Variants in ROBO1 observed in about 807,000 individuals in gnomAD.
ROBO1 encodes the protein roundabout homolog 1.
A neutral mutation model predicts 195.9 loss-of-function variants in ROBO1; 149 were observed. The ratio of observed to expected loss-of-function variants is 0.76; its 90% CI spans 0.67 to 0.87. ROBO1 has a LOEUF of 0.87. ROBO1 is among the 40% of genes least tolerant of loss of function. ROBO1 has a pLI of 0.00. For missense variants in ROBO1, 1,933 were observed against 2,068.3 expected (o/e 0.93, Z 1.27); for synonymous variants, 816 against 733.2 (o/e 1.11, Z -1.82).
chr3:79,444,715 T>A lies in ROBO1; in HGVS notation c.88+145109A>T, dbSNP rs138268272. ...TTTTTAAATAATGGCGAATCAAATG[T>A]ACATGAATAGTAAGATGGACACATA... On this transcript the variant is annotated intron_variant, in intron 2 of 30. Transcript: ENST00000464233. 3.3e-5 allele frequency among the ~76,000 whole-genome samples: 5 copies of A among 152,198 alleles called. No individual in the cohort carries two copies. In the East Asian group the frequency reaches 9.7e-4, roughly 29 times the overall value.
At chr3:79,216,405 T>G (rs1319743560) in intron 2 of ROBO1, among the ~76,000 whole-genome samples, 1 of 152,110 alleles carries the variant, frequency 6.6e-6, no homozygotes, top group East Asian at 1.9e-4. Flanking sequence ...TTCTTGGATT[T>G]TCATAAAAAA....
intron 26 of ROBO1, among the ~76,000 whole-genome samples, chr3:78,625,875 A>C (rs1704736743): frequency 6.6e-6 from 1 of 152,152 alleles, no homozygotes; most frequent in South Asian, 2.1e-4. Context: ...AAAATGAAGC[A>C]GCGGGAGAGA....
At chr3:78,875,135 A>T (rs1020253014) in intron 4 of ROBO1, among the ~76,000 whole-genome samples, 28 of 152,090 alleles carry the variant, frequency 1.8e-4, no homozygotes, top group African/African-American at 6.5e-4. Context: ...TTTTTATTTT[A>T]AAGTTCTGAA....
At chr3:78,915,454 A>C (rs2038501585) in intron 4 of ROBO1, among the ~76,000 whole-genome samples, 1 of 152,226 alleles carries the variant, frequency 6.6e-6, no homozygotes, top group African/African-American at 2.4e-5. Flanking sequence ...CATAATAAAT[A>C]GAGCAGATTA....
chr3:79,748,001 G>T (rs1703948267), intron 1 of ROBO1, among the ~76,000 whole-genome samples: 3 of 150,958 alleles, frequency 2.0e-5, no homozygotes, highest in Admixed American at 6.6e-5. Flanking sequence ...TTTTTACTTG[G>T]ATTTCTATTT....
chr3:79,173,481 C>T (rs1043357191), intron 2 of ROBO1, among the ~76,000 whole-genome samples: 78 of 152,116 alleles, frequency 5.1e-4, no homozygotes, highest in Non-Finnish European at 5.0e-4. Context: ...AGCACCCAGG[C>T]CAGTGGCTGC....
intron 1 of ROBO1, among the ~76,000 whole-genome samples, chr3:79,734,497 T>C (rs974895500): frequency 6.6e-6 from 1 of 152,224 alleles, no homozygotes; most frequent in African/African-American, 2.4e-5. Flanking sequence ...TTGCAAAAAA[T>C]TGCCTTTGGC....
At chr3:79,725,319 C>T (rs1184737803) in intron 1 of ROBO1, among the ~76,000 whole-genome samples, 24 of 150,306 alleles carry the variant, frequency 1.6e-4, no homozygotes, top group Admixed American at 1.1e-3. Flanking sequence ...CTCCGCCTCC[C>T]GGGTTCACGC....
At chr3:78,670,865 G>A (rs1317675451) in intron 10 of ROBO1, among the ~76,000 whole-genome samples, 1 of 152,042 alleles carries the variant, frequency 6.6e-6, no homozygotes, top group Non-Finnish European at 1.5e-5. Context: ...TTTTTATCTT[G>A]TAATTCTTTC....
intron 14 of ROBO1, among the ~76,000 whole-genome samples, chr3:78,662,781 T>C (rs1239373923): frequency 1.3e-5 from 2 of 152,156 alleles, no homozygotes; most frequent in African/African-American, 2.4e-5. Context: ...TATTGTATCA[T>C]AGTAAAGAAG....
intron 1 of ROBO1, among the ~76,000 whole-genome samples, chr3:79,747,116 T>A (rs1052068061): frequency 6.6e-6 from 1 of 152,068 alleles, no homozygotes; most frequent in African/African-American, 2.4e-5. Flanking sequence ...TGGGTTTTCC[T>A]TTTTTAAATG....
At chr3:79,482,562 T>G (rs1434577699) in intron 2 of ROBO1, among the ~76,000 whole-genome samples, 3 of 152,194 alleles carry the variant, frequency 2.0e-5, no homozygotes, top group Non-Finnish European at 4.4e-5. Flanking sequence ...GTGAGTCAAT[T>G]AAACCTCTTT....
chr3:79,550,187 GAAAGAAAGGA>G (rs1942435575), intron 2 of ROBO1, among the ~76,000 whole-genome samples: 2 of 79,496 alleles, frequency 2.5e-5, no homozygotes. Context: ...AAGAAAGAAA[GAAAGAAAGGA>G]AAAGAAAAGA....
chr3:79,701,361 A>G (rs1947617006), intron 1 of ROBO1, among the ~76,000 whole-genome samples: 1 of 151,462 alleles, frequency 6.6e-6, no homozygotes, highest in African/African-American at 2.4e-5. Flanking sequence ...GTTCTGTGAA[A>G]AAATGATATC....
chr3:79,192,204 T>A (rs1427331143), intron 2 of ROBO1, among the ~76,000 whole-genome samples: 1 of 151,656 alleles, frequency 6.6e-6, no homozygotes, highest in African/African-American at 2.4e-5. Flanking sequence ...TGGCTTTGGA[T>A]TGTATTTCTC....
chr3:78,788,011 C>T (rs1381027198), intron 4 of ROBO1, among the ~76,000 whole-genome samples: 1 of 145,742 alleles, frequency 6.9e-6, no homozygotes, highest in African/African-American at 2.5e-5. Flanking sequence ...ACGATCTCGG[C>T]TCACTGCAAG....
rs1351814942 is a variant in ROBO1 at position 78,668,196 on chromosome 3, T to A, written c.1737A>T (p.Leu579Phe). ...CTGAATTCAAATTTGGTTGCCACGA[T>A]AATGTGACTGTATTTCTGCTGACAT... is the stretch of plus-strand genomic sequence containing the variant. ...VTDVSRNTVT[L>F]SWQPNLNSGA... Residue 579 changes from leucine (L) to phenylalanine (F), a missense_variant, in exon 13 of 31, where the codon TTA becomes TTT. Leu to Phe is a conservative substitution (Grantham distance 22). This residue lies in a region of ROBO1 where 1,737 missense variants were observed against 1,882.5 expected (regional missense o/e 0.92). Coordinates refer to ENST00000464233, the MANE Select transcript of ROBO1 (RefSeq NM_002941.4). 6.2e-7 allele frequency: 1 copy of A among 1,613,546 alleles called. No homozygotes were observed. The highest frequency in any genetic ancestry group is 8.5e-7 in the Non-Finnish European group (1 of 1,179,510).
rs145679931 is a variant in ROBO1, at chr3:78,795,140, C to A, written c.500-48240G>T. Among the ~76,000 whole-genome samples, 438 of 152,204 alleles carry A rather than the reference C, an allele frequency of 2.9e-3. 4 individuals carry two copies. Among genetic ancestry groups the A allele is most frequent in the African/African-American group, 9.7e-3 (401 of 41,522 alleles). On this transcript the variant is annotated intron_variant, in intron 4 of 30. Coordinates refer to ENST00000464233, the MANE Select transcript of ROBO1 (RefSeq NM_002941.4). ...AAAAAGATAGCATTCCCTTCCAATA[C>A]CTACCCTAGATAATACTGTACTGAT...
chr3:79,232,259 A>AT (rs201706805), intron 2 of ROBO1, among the ~76,000 whole-genome samples: 54 of 136,918 alleles, frequency 3.9e-4, no homozygotes, highest in African/African-American at 1.3e-3. Context: ...AAAAAAAAAA[A>AT]AATATATATA....
Sources: gnomAD v4.1 joint callset for allele counts (sites outside exome capture counted in the v4.1 genomes callset) on GRCh38, gnomAD v4.1.1 for gene constraint, gnomAD v4.1.1 regional missense constraint, MANE v1.5 for transcripts, NCBI Gene and HGNC (gene_info 2026-07-23, HGNC 2026-07-21) for gene names.